The following CNTN5 variants were observed in gnomAD, a reference collection of about 807,000 sequenced individuals.
CNTN5 encodes the protein contactin 5.
CNTN5 carries 77 observed loss-of-function variants against 129.1 expected under a neutral mutation model. The ratio of observed to expected loss-of-function variants is 0.60; its 90% CI spans 0.50 to 0.72. The LOEUF (loss-of-function observed/expected upper bound fraction) is 0.72, where lower values mean the gene tolerates loss of function less well. Among genes scored for constraint, CNTN5 ranks in the 30% least tolerant of loss-of-function variants. CNTN5 has a pLI of 0.00. For synonymous variants in CNTN5, 509 were observed against 465.6 expected, an observed-to-expected ratio of 1.09 and a Z score of -1.20; for missense variants, 1,478 against 1,328.8, an observed-to-expected ratio of 1.11 and a Z score of -1.75.
chr11:99,741,851 A>T (rs1484683528), intron 3 of CNTN5, among the ~76,000 whole-genome samples: 1 of 152,104 alleles, frequency 6.6e-6, no homozygotes, highest in Non-Finnish European at 1.5e-5. Flanking sequence ...GGTGTTATAC[A>T]TTATTATATA....
intron 3 of CNTN5, among the ~76,000 whole-genome samples, chr11:99,579,986 C>G (rs1015645390): frequency 6.6e-6 from 1 of 150,522 alleles, no homozygotes; most frequent in Non-Finnish European, 1.5e-5. Flanking sequence ...ATAGCTCTTA[C>G]TATTTTGAGA....
intron 1 of CNTN5, among the ~76,000 whole-genome samples, chr11:99,050,622 A>G (rs1163633325): frequency 6.6e-6 from 1 of 151,762 alleles, no homozygotes; most frequent in Non-Finnish European, 1.5e-5. Context: ...ATGTTTGTTG[A>G]AAAAATAAAC....
intron 1 of CNTN5, among the ~76,000 whole-genome samples, chr11:99,027,899 T>A (rs764113110): frequency 6.6e-6 from 1 of 151,716 alleles, no homozygotes; most frequent in Non-Finnish European, 1.5e-5. Flanking sequence ...AGAGATGAGG[T>A]AAAAGACGGT....
At chr11:99,411,864 A>C (rs114254304) in intron 2 of CNTN5, among the ~76,000 whole-genome samples, 1,982 of 152,330 alleles carry the variant, frequency 0.013, 32 homozygotes, top group African/African-American at 0.043. Flanking sequence ...TTGGTAAAAC[A>C]ACCTGTAGAC....
chr11:99,637,934 C>T (rs1951625967), intron 3 of CNTN5, among the ~76,000 whole-genome samples: 1 of 152,042 alleles, frequency 6.6e-6, no homozygotes, highest in Admixed American at 6.6e-5. Context: ...TAAGAGGGCT[C>T]TTGTAGGTTG....
chr11:99,078,616 G>GGT (rs1435202060), intron 1 of CNTN5, among the ~76,000 whole-genome samples: 1 of 152,180 alleles, frequency 6.6e-6, no homozygotes, highest in African/African-American at 2.4e-5. Context: ...GTCACAAAAA[G>GGT]GTTAACATTC....
chr11:100,339,195 C>A (rs904068275), intron 21 of CNTN5, among the ~76,000 whole-genome samples: 1 of 152,252 alleles, frequency 6.6e-6, no homozygotes, highest in Admixed American at 6.5e-5. Context: ...CTACCCTCCA[C>A]TGGCAAGGGC....
chr11:99,969,326 G>T (rs902636979), intron 8 of CNTN5, among the ~76,000 whole-genome samples: 3 of 152,126 alleles, frequency 2.0e-5, no homozygotes, highest in African/African-American at 7.2e-5. Flanking sequence ...ATTTCTGAAA[G>T]ACATAAACTT....
In CNTN5 at chr11:99,325,419, G is replaced by A. The variant is rs181976610; in HGVS notation, c.-136G>A. On this transcript the variant is annotated 5_prime_UTR_variant, in exon 2 of 25. Transcript: ENST00000524871. Reference sequence around the variant, plus strand: ...TCATTTTTGCATGACTACTGCAAAAGGATTACTTTACAGATACCAGTTCCT... The same window carrying A: ...TCATTTTTGCATGACTACTGCAAAAAGATTACTTTACAGATACCAGTTCCT... The A allele has an allele frequency of 6.6e-6, 1 of 152,138 alleles. No individual in the cohort carries two copies. The highest frequency in any genetic ancestry group is 1.9e-4 in the East Asian group (1 of 5,176). The allele number at this position is 152,138 out of a possible 1,614,324, so 9.4% of individuals were successfully genotyped here.
In CNTN5 at chr11:99,816,711, C is replaced by T. The variant is rs537413236; in HGVS notation, c.56-2833C>T. Among the ~76,000 whole-genome samples, 10 of 152,228 alleles carry T rather than the reference C, an allele frequency of 6.6e-5. No homozygotes were observed. In the South Asian group the frequency reaches 1.2e-3, roughly 19 times the overall value. ...TACAGCCAGAGTGATCTAGAACTTA[C>T]GTTGCTCTCCTTTCAAAGCTGTACC... On this transcript the variant is annotated intron_variant, in intron 3 of 24. Transcript: ENST00000524871.
At chr11:100,103,490 T>C (rs565624859) in intron 13 of CNTN5, among the ~76,000 whole-genome samples, 2 of 152,306 alleles carry the variant, frequency 1.3e-5, no homozygotes, top group African/African-American at 4.8e-5. Context: ...GGAAAGAGCA[T>C]TCCAAGTGTT....
intron 3 of CNTN5, among the ~76,000 whole-genome samples, chr11:99,777,506 C>A (rs913360667): frequency 6.6e-6 from 1 of 151,780 alleles, no homozygotes; most frequent in African/African-American, 2.4e-5. Context: ...ATTTAGTCTT[C>A]CACTGAACTT....
In CNTN5 at chr11:99,098,210, A is replaced by T. The variant is rs142103676; in HGVS notation, c.-210+76940A>T. ...AGTTGGACTTTTTGGTCATAAAAAGATATTTGTTGACTTACTTACTGATGA... is the reference window on the plus strand; with the variant it reads ...AGTTGGACTTTTTGGTCATAAAAAGTTATTTGTTGACTTACTTACTGATGA... On this transcript the variant is annotated intron_variant, in intron 1 of 24. Transcript: ENST00000524871. 2.5e-3 allele frequency among the ~76,000 whole-genome samples: 380 copies of T among 152,142 alleles called. 2 individuals are homozygous for T. Among genetic ancestry groups the T allele is most frequent in the Middle Eastern group, 0.01 (3 of 294 alleles).
intron 2 of CNTN5, among the ~76,000 whole-genome samples, chr11:99,408,472 AAGAAAGAAAGAAAGAAAG>A (rs1301548069): frequency 2.8e-4 from 35 of 126,774 alleles, no homozygotes; most frequent in Admixed American, 1.4e-3. Flanking sequence ...GAAAGAAAGA[AAGAAAGAAAGAAAGAAAG>A]AAAGAAAGAA....
At chr11:100,099,128 C>A (rs1945125350) in intron 13 of CNTN5, among the ~76,000 whole-genome samples, 1 of 152,040 alleles carries the variant, frequency 6.6e-6, no homozygotes, top group Non-Finnish European at 1.5e-5. Flanking sequence ...AGAATTTCTA[C>A]AGAAAATTCA....
At chr11:100,158,481 A>AT (rs1328969658) in intron 13 of CNTN5, among the ~76,000 whole-genome samples, 1 of 151,926 alleles carries the variant, frequency 6.6e-6, no homozygotes, top group Non-Finnish European at 1.5e-5. Context: ...AATATATACC[A>AT]TTTTGTTAAC....
intron 9 of CNTN5, among the ~76,000 whole-genome samples, chr11:100,035,034 A>G (rs186736622): frequency 8.5e-5 from 13 of 152,152 alleles, no homozygotes; most frequent in Admixed American, 4.6e-4. Context: ...GGTTTGTTAC[A>G]TATGGATCCA....
rs1159760539 is a variant in CNTN5, at chr11:99,313,127, A to G, written c.-209-12219A>G. Among the ~76,000 whole-genome samples, 3 of 147,296 alleles carry G rather than the reference A, an allele frequency of 2.0e-5. No homozygotes were observed. In the East Asian group the frequency reaches 5.9e-4, roughly 29 times the overall value. ...GATTTGAAGTTTTTTTTTTTTTTCT[A>G]TCACTGCTATTTTCTCTAGGATAAT... is the stretch of plus-strand genomic sequence containing the variant. On this transcript the variant is annotated intron_variant, in intron 1 of 24. Transcript: ENST00000524871.
At chr11:100,210,470 A>G (rs924747440) in intron 15 of CNTN5, among the ~76,000 whole-genome samples, 2 of 152,142 alleles carry the variant, frequency 1.3e-5, no homozygotes, top group African/African-American at 4.8e-5. Context: ...ATAGGTATAC[A>G]CATTTTAGGA....
Sources: allele counts gnomAD v4.1 joint callset (sites outside exome capture counted in the v4.1 genomes callset), GRCh38; gene constraint gnomAD v4.1.1; transcripts MANE v1.5; gene names NCBI Gene and HGNC (gene_info 2026-07-23, HGNC 2026-07-21).